The following LRP5 variants were observed in gnomAD, a reference collection of about 807,000 sequenced individuals.
LRP5 encodes LDL receptor related protein 5, also known as low-density lipoprotein receptor-related protein 5.
Under a neutral mutation model 154.1 loss-of-function variants are expected in LRP5, and 62 were observed. That is an observed-to-expected ratio of 0.40 (90% CI 0.33 to 0.50). LRP5 has a LOEUF of 0.50. Ranked by LOEUF, LRP5 falls within the 20% of genes least tolerant of loss-of-function variation. The pLI is 0.55. For synonymous variants in LRP5, 966 were observed against 1,011.5 expected (o/e 0.96, Z 0.85); for missense variants, 1,915 against 2,336.7 (o/e 0.82, Z 3.72).
intron 7 of LRP5, among the ~76,000 whole-genome samples, chr11:68,395,353 G>T (rs539090355): frequency 6.6e-6 from 1 of 151,726 alleles, no homozygotes; most frequent in Non-Finnish European, 1.5e-5. Context: ...GAAGTGGGGG[G>T]GCGTCACAGT....
chr11:68,340,287 TC>T (rs1193308627), intron 1 of LRP5, among the ~76,000 whole-genome samples: 7 of 152,132 alleles, frequency 4.6e-5, no homozygotes, highest in Non-Finnish European at 7.4e-5. Flanking sequence ...ACTTCCTGTT[TC>T]ATGAATGAGG....
At chr11:68,340,466 C>A (rs7121668) in intron 1 of LRP5, among the ~76,000 whole-genome samples, 35,683 of 151,948 alleles carry the variant, frequency 0.23, 6,698 homozygotes, top group African/African-American at 0.51. Context: ...ACCACTACCC[C>A]CTCCCGGCTG....
rs1319185435 is a variant in LRP5 at position 68,411,537 on chromosome 11, A to G, written c.2420A>G (p.Asn807Ser). 2 of 1,613,848 alleles carry G rather than the reference A, an allele frequency of 1.2e-6. No individual in the cohort carries two copies. The highest frequency in any genetic ancestry group is 1.7e-5 in the Admixed American group (1 of 60,028). Residue 807 changes from asparagine to serine, a missense_variant, in exon 11 of 23, where the codon AAC becomes AGC. Asn to Ser is a conservative substitution (Grantham distance 46). Around this residue, in one of 3 missense-constraint regions of LRP5, gnomAD observed 1,094 missense variants for 1,210.1 expected, o/e 0.90. Transcript: ENST00000294304. ...MTLVDKVGRA[N>S]DLTIDYADQR... ...CTGGTGGACAAGGTGGGCCGGGCCA[A>G]CGACCTCACCATTGACTACGCTGAC...
intron 5 of LRP5, among the ~76,000 whole-genome samples, chr11:68,376,192 T>C (rs1184876407): frequency 1.9e-4 from 28 of 148,648 alleles, no homozygotes. Flanking sequence ...TTTTTTTTTT[T>C]TTTAATTGAG....
rs1413448519 is a variant in LRP5 at position 68,423,750 on chromosome 11, TG to T, written c.3236+54del. The T allele has an allele frequency of 9.1e-6, 14 of 1,542,474 alleles. No homozygotes were observed. Among genetic ancestry groups the T allele is most frequent in the Non-Finnish European group, 1.2e-5 (14 of 1,133,840 alleles). On this transcript the variant is annotated intron_variant, in intron 14 of 22. Coordinates refer to ENST00000294304, the MANE Select transcript of LRP5 (RefSeq NM_002335.4). The surrounding 1 kb of genome is among the most constrained non-coding windows in gnomAD (Gnocchi z 4.7). ...GCTGCCCGTCCAGGCGTGCCCGCCG[TG>T]TCTTCTGCCGAATGCCAGCCTCTCA...
At chr11:68,398,778 C>T (rs1013032418) in intron 7 of LRP5, among the ~76,000 whole-genome samples, 14 of 152,148 alleles carry the variant, frequency 9.2e-5, no homozygotes, top group Admixed American at 7.2e-4. Context: ...CTCTGTCACC[C>T]AGGCTGGAGT....
intron 13 of LRP5, among the ~76,000 whole-genome samples, 168 bp downstream of exon 13, chr11:68,416,695 C>T (rs1188450348): frequency 2.0e-5 from 3 of 152,136 alleles, no homozygotes; most frequent in Non-Finnish European, 2.9e-5. Context: ...CCCTGAGATG[C>T]GTGGAACCCC....
chr11:68,434,415 T>C (rs1467650526), intron 18 of LRP5, among the ~76,000 whole-genome samples: 1 of 152,056 alleles, frequency 6.6e-6, no homozygotes, highest in Non-Finnish European at 1.5e-5. Context: ...AGTCTTGCTC[T>C]GTCACCCAGG....
At chr11:68,405,161 A>T (rs2098654900) in intron 8 of LRP5, among the ~76,000 whole-genome samples, 2 of 151,746 alleles carry the variant, frequency 1.3e-5, no homozygotes, top group Admixed American at 1.3e-4. Flanking sequence ...TGTCTCAAAA[A>T]GAAAAAAAAA....
At chr11:68,352,872 A>C (rs61887823) in intron 2 of LRP5, among the ~76,000 whole-genome samples, 6 of 139,996 alleles carry the variant, frequency 4.3e-5, no homozygotes, top group Non-Finnish European at 9.2e-5. Flanking sequence ...TTGGGAGGTA[A>C]TTGGTACTTG....
At chr11:68,320,715 G>A (rs2510919) in intron 1 of LRP5, among the ~76,000 whole-genome samples, 31,216 of 151,966 alleles carry the variant, frequency 0.21, 3,876 homozygotes, top group Non-Finnish European at 0.3. Context: ...ACCCATCTCC[G>A]CCTCCCAAAG....
intron 2 of LRP5, among the ~76,000 whole-genome samples, chr11:68,352,211 C>A (rs1454273596): frequency 2.0e-5 from 3 of 152,046 alleles, no homozygotes; most frequent in Non-Finnish European, 2.9e-5. Context: ...TAAGGAGTGG[C>A]GAGATTTGGG....
At chr11:68,347,704 C>A (rs963316495) in intron 1 of LRP5, 143 bp from the exon 2 acceptor site, 4 of 1,025,160 alleles carry the variant, frequency 3.9e-6, no homozygotes, top group Admixed American at 1.8e-5. Context: ...CCTGACAACG[C>A]CTTAGGGGTG....
At chr11:68,329,467 A>G (rs1458565699) in intron 1 of LRP5, among the ~76,000 whole-genome samples, 1 of 152,196 alleles carries the variant, frequency 6.6e-6, no homozygotes, top group Non-Finnish European at 1.5e-5. Context: ...CCTGCCTTTT[A>G]ATTGGTACTT....
intron 18 of LRP5, among the ~76,000 whole-genome samples, chr11:68,435,155 C>T (rs2098674163): frequency 1.3e-5 from 2 of 152,236 alleles, no homozygotes; most frequent in Admixed American, 6.5e-5. Context: ...CCTTCAAAGC[C>T]CCAGACCTCA....
chr11:68,360,640 C>G (rs1471287001), intron 3 of LRP5, among the ~76,000 whole-genome samples: 1 of 152,236 alleles, frequency 6.6e-6, no homozygotes, highest in African/African-American at 2.4e-5. Context: ...GTGCTTCTGG[C>G]TGAGGCAGAG....
chr11:68,402,656 C>T (rs1444090809), intron 7 of LRP5, among the ~76,000 whole-genome samples: 4 of 152,026 alleles, frequency 2.6e-5, no homozygotes, highest in African/African-American at 9.7e-5. Context: ...TGCTCCAGGT[C>T]CTGCCCCAGG....
At chr11:68,390,316 G>A (rs551589732) in intron 7 of LRP5, among the ~76,000 whole-genome samples, 10 of 152,338 alleles carry the variant, frequency 6.6e-5, no homozygotes, top group South Asian at 6.2e-4. Context: ...TGGGAGGATC[G>A]CTGGAGTCCA....
intron 1 of LRP5, among the ~76,000 whole-genome samples, chr11:68,315,233 C>A (rs2098592356): frequency 6.6e-6 from 1 of 152,238 alleles, no homozygotes; most frequent in South Asian, 2.1e-4. Context: ...TGTGTGAGAC[C>A]TTTAGCCCCA....
Sources: allele counts gnomAD v4.1 joint callset (sites outside exome capture counted in the v4.1 genomes callset), GRCh38; gene constraint gnomAD v4.1.1; regional missense constraint gnomAD v4.1.1; non-coding constraint Gnocchi (gnomAD v3.1); transcripts MANE v1.5; gene names NCBI Gene and HGNC (gene_info 2026-07-23, HGNC 2026-07-21).